The following HERC2 variants were observed in gnomAD, a reference collection of about 807,000 sequenced individuals.
HERC2 encodes HECT and RLD domain containing E3 ubiquitin protein ligase 2, also known as E3 ubiquitin-protein ligase HERC2.
A neutral mutation model predicts 537.7 loss-of-function variants in HERC2; 102 were observed. The observed-to-expected ratio is 0.19, with a 90% CI of 0.16 to 0.22. HERC2 has a LOEUF of 0.22. Ranked by LOEUF, HERC2 falls within the 10% of genes least tolerant of loss-of-function variation. The probability of loss-of-function intolerance (pLI) is 1.00; values close to 1 mark genes in which losing one functional copy is unlikely to be tolerated. For synonymous variants in HERC2, 2,224 were observed against 2,466.2 expected (o/e 0.90, Z 2.91); for missense variants, 4,236 against 6,198.2 (o/e 0.68, Z 10.63).
intron 2 of HERC2, among the ~76,000 whole-genome samples, chr15:28,314,381 G>C (rs2077025953): frequency 6.6e-6 from 1 of 152,210 alleles, no homozygotes; most frequent in Admixed American, 6.5e-5. Context: ...AAGTGGGAAA[G>C]TGAGACAAGG....
intron 84 of HERC2, 42 bp downstream of exon 84, chr15:28,124,964 C>T: frequency 6.4e-7 from 1 of 1,554,362 alleles, no homozygotes; most frequent in Non-Finnish European, 8.8e-7. Flanking sequence ...GACAGGAGCA[C>T]ACTTTGCTTG....
At chr15:28,133,280 A>T (rs1018825867) in intron 79 of HERC2, among the ~76,000 whole-genome samples, 2 of 152,248 alleles carry the variant, frequency 1.3e-5, no homozygotes, top group African/African-American at 4.8e-5. Flanking sequence ...AGTCTATAAC[A>T]TAGTGACTAC....
Position 28,177,146 on chromosome 15 carries a change from A to T in HERC2, c.9255-19T>A. 1 of 1,601,658 alleles carries T rather than the reference A, an allele frequency of 6.2e-7. No homozygotes were observed. Among genetic ancestry groups the T allele is most frequent in the Non-Finnish European group, 8.5e-7 (1 of 1,171,448 alleles). On this transcript the variant is annotated intron_variant, in intron 60 of 92. Coordinates refer to ENST00000261609, the MANE Select transcript of HERC2 (RefSeq NM_004667.6). This position sits in a 1 kb window ranked among gnomAD's most constrained non-coding sequence, Gnocchi z 5.0. ...ACAGTTCCTACAACAAGATGAAATCAGCTCTCTACAGTCAATCTGTCCCTT... is the reference window on the plus strand; with the variant it reads ...ACAGTTCCTACAACAAGATGAAATCTGCTCTCTACAGTCAATCTGTCCCTT...
At chr15:28,270,233 TTTTA>T (rs1279369321) in intron 10 of HERC2, among the ~76,000 whole-genome samples, 2 of 150,266 alleles carry the variant, frequency 1.3e-5, no homozygotes, top group African/African-American at 4.9e-5. Flanking sequence ...AACCCACTCT[TTTTA>T]TTTATTTATA....
chr15:28,152,733 T>C lies in HERC2; in HGVS notation c.10844A>G (p.Glu3615Gly). The C allele has an allele frequency of 6.4e-7, 1 of 1,552,042 alleles. No individual in the cohort carries two copies. The change falls in exon 70 of 93, where the codon GAG (glutamate) becomes GGG (glycine). Residue 3615 changes from glutamate (E) to glycine (G), a missense_variant. By Grantham distance (98) the Glu-to-Gly change is moderately conservative (BLOSUM62 -2). This residue lies in a region of HERC2 where 356 missense variants were observed against 450.9 expected (regional missense o/e 0.79). Transcript: ENST00000261609. ...GRLSSQPVVV[E>G]SSHPYTDDTS... is the part of the protein sequence containing the mutation. ...GTCGTCGGTGTAAGGGTGGCTACTC[T>C]CCACCACCACAGGCTGAGAAGAGAG...
chr15:28,288,711 G>A (rs1158627881), intron 4 of HERC2, among the ~76,000 whole-genome samples: 15 of 151,620 alleles, frequency 9.9e-5, no homozygotes, highest in Admixed American at 1.3e-4. Context: ...AGCCAGGCAC[G>A]GTGGTGCCTG....
chr15:28,133,330 A>T (rs997163363), intron 79 of HERC2, among the ~76,000 whole-genome samples: 4 of 152,178 alleles, frequency 2.6e-5, no homozygotes, highest in African/African-American at 9.7e-5. Context: ...GTTCTGAAAG[A>T]AGTTCTTTAT....
intron 4 of HERC2, among the ~76,000 whole-genome samples, chr15:28,290,544 T>C (rs2076283751): frequency 6.6e-6 from 1 of 152,172 alleles, no homozygotes; most frequent in South Asian, 2.1e-4. Context: ...TCTTATTATG[T>C]GTGCATGAAA....
In HERC2 at chr15:28,268,764, C is replaced by T; in HGVS notation, c.1447-148G>A. The stretch of plus-strand genomic sequence containing the variant: ...TCTGGGAACTACGGGGCCGGCTCTC[C>T]AGCCCTTCCCACCCAGCAGCAACAG... On this transcript the variant is annotated intron_variant, in intron 11 of 92. Coordinates refer to ENST00000261609, the MANE Select transcript of HERC2 (RefSeq NM_004667.6). The surrounding 1 kb of genome is among the most constrained non-coding windows in gnomAD (Gnocchi z 4.7). 1.5e-6 allele frequency: 1 copy of T among 674,546 alleles called. No individual in the cohort carries two copies. The highest frequency in any genetic ancestry group is 2.5e-6 in the Non-Finnish European group (1 of 397,588). 41.8% of individuals were successfully genotyped at this position (674,546 alleles called of 1,614,324 possible).
intron 35 of HERC2, among the ~76,000 whole-genome samples, chr15:28,226,547 C>A (rs1468743831): frequency 6.6e-6 from 1 of 151,930 alleles, no homozygotes; most frequent in Non-Finnish European, 1.5e-5. Flanking sequence ...ACAATCAGAT[C>A]ATCAAAAAAA....
chr15:28,270,153 G>T (rs749075161), intron 10 of HERC2, among the ~76,000 whole-genome samples: 1 of 151,950 alleles, frequency 6.6e-6, no homozygotes, highest in Non-Finnish European at 1.5e-5. Context: ...AGTTGAGACA[G>T]GGTTTCTCCA....
At chr15:28,248,885 T>C (rs1032150076) in intron 20 of HERC2, 149 bp from the exon 21 acceptor site, 2 of 652,940 alleles carry the variant, frequency 3.1e-6, no homozygotes, top group African/African-American at 1.8e-5. Context: ...GTGTGTCCAA[T>C]GTATCTGCAA....
At chr15:28,209,898 A>AT (rs1898951742) in intron 44 of HERC2, among the ~76,000 whole-genome samples, 1 of 151,534 alleles carries the variant, frequency 6.6e-6, no homozygotes, top group African/African-American at 2.4e-5. Context: ...CACAAAAACA[A>AT]TACCAAAAAG....
At chr15:28,320,105 C>T (rs2077191837) in intron 2 of HERC2, 2 of 152,010 alleles carry the variant, frequency 1.3e-5, no homozygotes, top group Admixed American at 6.6e-5. Flanking sequence ...AATAACAATC[C>T]CATCATCCAC....
chr15:28,176,338 A>G lies in HERC2; in HGVS notation c.9686+90T>C. 1 of 1,217,492 alleles carries G rather than the reference A, an allele frequency of 8.2e-7. No homozygotes were observed. Among genetic ancestry groups the G allele is most frequent in the Non-Finnish European group, 1.2e-6 (1 of 847,010 alleles). 75.4% of individuals were successfully genotyped at this position (1,217,492 alleles called of 1,614,324 possible). On this transcript the variant is annotated intron_variant, in intron 63 of 92. Transcript: ENST00000261609. The surrounding 1 kb of genome is among the most constrained non-coding windows in gnomAD (Gnocchi z 5.0). ...ATAAGTAAAAAGAGGACACGTCACA[A>G]TCACGCCGGGTGAGCCTGGGGCGAG...
At chr15:28,228,468 G>A (rs531957823) in intron 34 of HERC2, 59 bp from the exon 35 acceptor site, 86 of 1,505,364 alleles carry the variant, frequency 5.7e-5, no homozygotes, top group Non-Finnish European at 7.1e-5. Flanking sequence ...TAAACGTAAC[G>A]CAGAAAGCAC....
intron 85 of HERC2, among the ~76,000 whole-genome samples, chr15:28,123,552 A>G (rs1889149990): frequency 6.6e-6 from 1 of 152,150 alleles, no homozygotes; most frequent in Non-Finnish European, 1.5e-5. Flanking sequence ...CCACCTGTTA[A>G]TTCTCACTTG....
At chr15:28,256,568 T>G (rs998407948) in intron 17 of HERC2, among the ~76,000 whole-genome samples, 13 of 152,106 alleles carry the variant, frequency 8.5e-5, no homozygotes. Flanking sequence ...GCTAAACAAC[T>G]AGCAACAGCA....
intron 57 of HERC2, 106 bp from the exon 58 acceptor site, chr15:28,179,329 T>C (rs1895604721): frequency 1.2e-6 from 1 of 846,366 alleles, no homozygotes; most frequent in African/African-American, 1.7e-5. Context: ...AGTTATGCAC[T>C]GTGTAACATT....
Sources: gnomAD v4.1 joint callset for allele counts (sites outside exome capture counted in the v4.1 genomes callset) on GRCh38, gnomAD v4.1.1 for gene constraint, gnomAD v4.1.1 regional missense constraint, Gnocchi (gnomAD v3.1) non-coding constraint, MANE v1.5 for transcripts, NCBI Gene and HGNC (gene_info 2026-07-23, HGNC 2026-07-21) for gene names.